Variants in CLCN6 observed in about 807,000 individuals in gnomAD.
CLCN6 encodes the protein Cl-/H+ antiporter 6, also known as H(+)/Cl(-) exchange transporter 6.
In CLCN6, 70 loss-of-function variants were observed where a neutral mutation model predicts 109.8. The observed-to-expected ratio is 0.64, with a 90% CI of 0.53 to 0.78. The LOEUF is 0.78. CLCN6 is among the 30% of genes least tolerant of loss of function. The pLI is 0.00. For synonymous variants in CLCN6, 444 were observed against 447.8 expected (o/e 0.99, Z 0.11); for missense variants, 984 against 1,142.3 (o/e 0.86, Z 2.00).
At position 11,840,586 on chromosome 1, in the gene CLCN6, T is replaced by G; in HGVS notation, c.*363T>G. ...TTCCTGGCCATCTTTGCTACTTTCC[T>G]AGAGAACCCGGCTGTTGCCTTAAAT... On this transcript the variant is annotated 3_prime_UTR_variant, in exon 23 of 23. Transcript: ENST00000346436. 1 of 339,858 alleles carries G rather than the reference T, an allele frequency of 2.9e-6. No individual in the cohort carries two copies. The highest frequency in any genetic ancestry group is 2.1e-5 in the African/African-American group (1 of 48,078). 21.1% of individuals were successfully genotyped at this position (339,858 alleles called of 1,614,324 possible).
Position 11,839,526 on chromosome 1 carries a change from T to C in CLCN6, c.2530-617T>C, listed in dbSNP as rs551294189. Among the ~76,000 whole-genome samples the C allele has an allele frequency of 3.9e-5, 6 of 152,330 alleles. 2 individuals carry two copies. The South Asian group carries it at 1.2e-3, about 32-fold the overall frequency. ...ATTCACCTGCCTCGGCCTCCCAAAGTGCTGGGATTACATGCGTCAGCCACT... is the reference window on the plus strand; with the variant it reads ...ATTCACCTGCCTCGGCCTCCCAAAGCGCTGGGATTACATGCGTCAGCCACT... On this transcript the variant is annotated intron_variant, in intron 22 of 22. Transcript: ENST00000346436.
chr1:11,826,337 G>A, intron 9 of CLCN6, 123 bp downstream of exon 9: 2 of 779,224 alleles, frequency 2.6e-6, no homozygotes, highest in Middle Eastern at 2.4e-4. Context: ...TGGGAGAAGG[G>A]GGCGGGCTTT....
chr1:11,837,730 G>C (rs937278659), intron 20 of CLCN6, among the ~76,000 whole-genome samples: 3 of 152,164 alleles, frequency 2.0e-5, no homozygotes, highest in African/African-American at 7.2e-5. Flanking sequence ...CCAGGGCAGC[G>C]CTCCCTGGCT....
intron 8 of CLCN6, 97 bp downstream of exon 8, chr1:11,824,650 G>A: frequency 1.1e-6 from 1 of 880,630 alleles, no homozygotes; most frequent in Non-Finnish European, 1.7e-6. Context: ...ACATCACATT[G>A]GAACCTGGTG....
chr1:11,838,533 A>G lies in CLCN6; in HGVS notation c.2404-2A>G. The G allele has an allele frequency of 6.2e-7, 1 of 1,607,480 alleles. No homozygotes were observed. Among genetic ancestry groups the G allele is most frequent in the Non-Finnish European group, 8.5e-7 (1 of 1,174,534 alleles). ...AGTCAGTGACACGTGGTCTCTTTGC[A>G]GGATGTCACCCCATACATGAACCCT... is the stretch of plus-strand genomic sequence containing the variant. On this transcript the variant is annotated splice_acceptor_variant, in intron 21 of 22. Coordinates refer to ENST00000346436, the MANE Select transcript of CLCN6 (RefSeq NM_001286.5). LOFTEE classifies it high-confidence loss of function.
chr1:11,833,834 C>A, intron 14 of CLCN6, 43 bp from the exon 15 acceptor site: 1 of 1,586,880 alleles, frequency 6.3e-7, no homozygotes, highest in Non-Finnish European at 8.6e-7. Context: ...TGGGCCTTGG[C>A]AGGCATCCGG....
chr1:11,825,374 G>C (rs1644798625), intron 8 of CLCN6, among the ~76,000 whole-genome samples: 1 of 152,246 alleles, frequency 6.6e-6, no homozygotes, highest in Admixed American at 6.5e-5. Flanking sequence ...GTGGGCATCA[G>C]TGTGCACCTT....
rs376630312 is a variant in CLCN6 at position 11,822,670 on chromosome 1, A to C, written c.347-25A>C. 5.7e-5 allele frequency: 84 copies of C among 1,478,140 alleles called. No homozygotes were observed. The African/African-American group carries it at 1.1e-3, about 19-fold the overall frequency. 91.6% of individuals were successfully genotyped at this position (1,478,140 alleles called of 1,614,324 possible). On this transcript the variant is annotated intron_variant, in intron 5 of 22. Transcript: ENST00000346436. ...GGGGACACCCCTCGGCTGATGAACA[A>C]GTTTCCTTAACCCAGTTTCCGCAGC...
chr1:11,809,412 T>C (rs897949654), intron 2 of CLCN6, among the ~76,000 whole-genome samples: 2 of 152,190 alleles, frequency 1.3e-5, no homozygotes, highest in African/African-American at 4.8e-5. Context: ...ATTTGTAATG[T>C]GCTTGCCTTC....
intron 9 of CLCN6, 137 bp downstream of exon 9, chr1:11,826,351 CT>C: frequency 1.4e-6 from 1 of 701,578 alleles, no homozygotes; most frequent in Non-Finnish European, 2.5e-6. Flanking sequence ...GGGCTTTGAA[CT>C]TTTCTTCTGG....
At chr1:11,816,054 G>A (rs1016388608) in intron 3 of CLCN6, 143 bp downstream of exon 3, 10 of 641,230 alleles carry the variant, frequency 1.6e-5, no homozygotes, top group Middle Eastern at 2.8e-4. Context: ...CACTTTATGC[G>A]CTTTGCTTTA....
rs777856169 is a variant in CLCN6, at chr1:11,828,092, C to T, written c.841-14C>T. The T allele has an allele frequency of 8.8e-6, 14 of 1,597,150 alleles. No homozygotes were observed. Among genetic ancestry groups the T allele is most frequent in the Non-Finnish European group, 1.2e-5 (14 of 1,164,762 alleles). On this transcript the variant is annotated splice_polypyrimidine_tract_variant and intron_variant, in intron 10 of 22. Transcript: ENST00000346436. ...ACTCCTGAACCTTCTTGTCTTTTGT[C>T]ACCTCTCCCCTAGCTCTTTTGTTCC...
chr1:11,833,621 A>C lies in CLCN6; in HGVS notation c.1355A>C (p.Gln452Pro). 1 of 1,613,754 alleles carries C rather than the reference A, an allele frequency of 6.2e-7. No individual in the cohort carries two copies. The highest frequency in any genetic ancestry group is 1.3e-5 in the African/African-American group (1 of 75,040). The part of the protein sequence containing the change: ...FFNPQESAIL[Q>P]LFHQDGTFSP... Reference sequence around the variant, plus strand: ...AACCCGCAGGAGTCTGCCATCCTCCAGCTCTTCCACCAGGATGGTGAGTGT... The same window carrying C: ...AACCCGCAGGAGTCTGCCATCCTCCCGCTCTTCCACCAGGATGGTGAGTGT... The change falls in exon 14 of 23, where the codon CAG becomes CCG. Residue 452 changes from glutamine (Q) to proline (P), a missense_variant. Physicochemically the swap from Gln to Pro is moderately conservative, Grantham distance 76. Coordinates refer to ENST00000346436, the MANE Select transcript of CLCN6 (RefSeq NM_001286.5).
intron 3 of CLCN6, 47 bp downstream of exon 3, chr1:11,815,958 A>C (rs750297295): frequency 1.4e-6 from 2 of 1,462,468 alleles, no homozygotes; most frequent in South Asian, 2.3e-5. Flanking sequence ...CAGTCTTAAC[A>C]TGGCATTTTT....
chr1:11,811,529 T>C (rs139569786), intron 2 of CLCN6, among the ~76,000 whole-genome samples: 15,051 of 152,052 alleles, frequency 0.099, 802 homozygotes, highest in South Asian at 0.16. Context: ...ATTACAGGCG[T>C]CTGCCACCAC....
At chr1:11,828,662 G>C (rs377567924) in intron 12 of CLCN6, 38 bp downstream of exon 12, 41 of 1,559,964 alleles carry the variant, frequency 2.6e-5, no homozygotes, top group Non-Finnish European at 3.4e-5. Context: ...GCCTGCTGCG[G>C]CTCCCTGAGC....
At chr1:11,811,208 C>CA (rs1308591375) in intron 2 of CLCN6, among the ~76,000 whole-genome samples, 91 of 143,940 alleles carry the variant, frequency 6.3e-4, no homozygotes, top group South Asian at 1.3e-3. Context: ...GAGACCCTGA[C>CA]AAAAAAAAAA....
At position 11,834,679 on chromosome 1, in the gene CLCN6, A is replaced by G. The variant is rs764288054; in HGVS notation, c.1793+89A>G. 106 of 1,120,714 alleles carry G rather than the reference A, an allele frequency of 9.5e-5. No homozygotes were observed. Among genetic ancestry groups the G allele is most frequent in the Non-Finnish European group, 1.4e-4 (103 of 755,494 alleles). The allele number at this position is 1,120,714 out of a possible 1,614,324, so 69.4% of individuals were successfully genotyped here. ...GTTGTTATTAGGGTAGGAAACAGTA[A>G]CTCACTTTTCTTGGGCTGAAAGAAG... On this transcript the variant is annotated intron_variant, in intron 17 of 22. Coordinates refer to ENST00000346436, the MANE Select transcript of CLCN6 (RefSeq NM_001286.5). The surrounding 1 kb of genome is among the most constrained non-coding windows in gnomAD (Gnocchi z 4.5).
At chr1:11,830,740 TATATATA>T (rs1557429569) in intron 13 of CLCN6, among the ~76,000 whole-genome samples, 422 of 110,206 alleles carry the variant, frequency 3.8e-3, no homozygotes, top group Non-Finnish European at 6.3e-3. Flanking sequence ...GTATATATTA[TATATATA>T]TATATATATA....
Sources: allele counts gnomAD v4.1 joint callset (sites outside exome capture counted in the v4.1 genomes callset), GRCh38; gene constraint gnomAD v4.1.1; non-coding constraint Gnocchi (gnomAD v3.1); transcripts MANE v1.5; gene names NCBI Gene and HGNC (gene_info 2026-07-23, HGNC 2026-07-21).